Variants in STRBP observed in about 807,000 individuals in gnomAD.
STRBP encodes the protein spermatid perinuclear RNA-binding protein.
A neutral mutation model predicts 80.1 loss-of-function variants in STRBP; 13 were observed. The ratio of observed to expected loss-of-function variants is 0.16; its 90% CI spans 0.11 to 0.26. The LOEUF (loss-of-function observed/expected upper bound fraction) is 0.26, where lower values mean the gene tolerates loss of function less well. STRBP is among the 10% of genes least tolerant of loss of function. The probability of loss-of-function intolerance (pLI) is 1.00; values close to 1 mark genes in which losing one functional copy is unlikely to be tolerated. For synonymous variants in STRBP, 284 were observed against 291.2 expected (o/e 0.98, Z 0.25); for missense variants, 485 against 815.2 (o/e 0.59, Z 4.93).
chr9:123,119,463 C>T (rs550302786), downstream of STRBP, among the ~76,000 whole-genome samples: 1 of 148,238 alleles, frequency 6.7e-6, no homozygotes, highest in Admixed American at 7.0e-5. Context: ...CTGTAACAGA[C>T]ACATGAGCAA....
chr9:123,126,221 C>T lies in STRBP; in HGVS notation c.1943-548G>A, dbSNP rs1209036688. Reference sequence around the variant, plus strand: ...GTGGCCTCACAGACTTCTGCATAGTCGAGCATGATTTGAAATCTGCTCCTC... The same window carrying T: ...GTGGCCTCACAGACTTCTGCATAGTTGAGCATGATTTGAAATCTGCTCCTC... On this transcript the variant is annotated intron_variant, in intron 18 of 18. Transcript: ENST00000348403. This position sits in a 1 kb window ranked among gnomAD's most constrained non-coding sequence, Gnocchi z 4.4. 6.6e-6 allele frequency among the ~76,000 whole-genome samples: 1 copy of T among 152,172 alleles called. No individual in the cohort carries two copies. Among genetic ancestry groups the T allele is most frequent in the Non-Finnish European group, 1.5e-5 (1 of 68,024 alleles).
At chr9:123,137,713 T>G (rs1309889317) in intron 14 of STRBP, among the ~76,000 whole-genome samples, 1 of 152,174 alleles carries the variant, frequency 6.6e-6, no homozygotes, top group Non-Finnish European at 1.5e-5. Flanking sequence ...CAGCCCAAAA[T>G]ATTAAGTATT....
At chr9:123,187,456 C>A (rs1398644040) in intron 2 of STRBP, among the ~76,000 whole-genome samples, 1 of 151,968 alleles carries the variant, frequency 6.6e-6, no homozygotes, top group African/African-American at 2.4e-5. Flanking sequence ...ATAGTATACA[C>A]CCAATAAATG....
At chr9:123,221,960 T>C (rs1220011199) in intron 2 of STRBP, among the ~76,000 whole-genome samples, 1 of 152,230 alleles carries the variant, frequency 6.6e-6, no homozygotes, top group Admixed American at 6.5e-5. Context: ...TTTCACCTAA[T>C]AGTTATGGCA....
At chr9:123,235,005 G>T (rs201741666) in intron 2 of STRBP, among the ~76,000 whole-genome samples, 14 of 146,960 alleles carry the variant, frequency 9.5e-5, no homozygotes, top group South Asian at 4.4e-4. Context: ...TTGGGGGGGG[G>T]GGGTACTGGG....
chr9:123,125,072 C>T lies in STRBP; in HGVS notation c.*525G>A, dbSNP rs929678981. On this transcript the variant is annotated 3_prime_UTR_variant, in exon 19 of 19. Transcript: ENST00000348403. ...CATATTTTATTGGCTTTATTACACA[C>T]TTCAATATTTACAAAGTTAAAGTTA... 4 of 985,156 alleles carry T rather than the reference C, an allele frequency of 4.1e-6. No individual in the cohort carries two copies. The highest frequency in any genetic ancestry group is 3.6e-6 in the Non-Finnish European group (3 of 829,442). The allele number at this position is 985,156 out of a possible 1,614,324, so 61.0% of individuals were successfully genotyped here. A position where few individuals can be genotyped will look rare whatever the true frequency, so the allele number is the denominator to read the frequency against.
intron 1 of STRBP, among the ~76,000 whole-genome samples, chr9:123,256,114 C>T (rs1232722878): frequency 7.4e-6 from 1 of 134,634 alleles, no homozygotes; most frequent in Non-Finnish European, 1.5e-5. Context: ...GCTTTAACCT[C>T]TTGGGTTCAA....
At chr9:123,139,187 G>T (rs1016528760) in intron 14 of STRBP, among the ~76,000 whole-genome samples, 1 of 152,116 alleles carries the variant, frequency 6.6e-6, no homozygotes, top group Non-Finnish European at 1.5e-5. Flanking sequence ...ATCAGTTACT[G>T]CTGATACTCT....
chr9:123,160,505 A>G (rs752782736), intron 7 of STRBP, 43 bp from the exon 8 acceptor site: 2 of 1,477,948 alleles, frequency 1.4e-6, no homozygotes, highest in Admixed American at 3.8e-5. Flanking sequence ...ATTGAGATCT[A>G]TTCTTCATTT....
At chr9:123,128,147 T>G in intron 18 of STRBP, 67 bp downstream of exon 18, 5 of 1,580,736 alleles carry the variant, frequency 3.2e-6, no homozygotes, top group Non-Finnish European at 4.3e-6. Context: ...AAACCCTAGA[T>G]AGAAACTGTG....
At chr9:123,221,735 G>T (rs1343380758) in intron 2 of STRBP, among the ~76,000 whole-genome samples, 1 of 152,064 alleles carries the variant, frequency 6.6e-6, no homozygotes, top group African/African-American at 2.4e-5. Context: ...TTCATTTCCG[G>T]CAATGATTTA....
chr9:123,224,248 T>C (rs922295995), intron 2 of STRBP, among the ~76,000 whole-genome samples: 2 of 152,208 alleles, frequency 1.3e-5, no homozygotes, highest in African/African-American at 4.8e-5. Context: ...TCTCCAATCA[T>C]GGGCCCAAAT....
intron 2 of STRBP, among the ~76,000 whole-genome samples, chr9:123,203,143 CAGG>C (rs1408781884): frequency 6.6e-6 from 1 of 151,978 alleles, no homozygotes; most frequent in African/African-American, 2.4e-5. Flanking sequence ...TGCTTGAGGC[CAGG>C]AGTTCAAGAC....
intron 18 of STRBP, among the ~76,000 whole-genome samples, chr9:123,127,120 T>A (rs1230036972): frequency 6.6e-6 from 1 of 152,226 alleles, no homozygotes; most frequent in East Asian, 1.9e-4. Context: ...TAGCTTCACA[T>A]CTTTCTAGGA....
At chr9:123,132,389 AT>A (rs148511944) in intron 17 of STRBP, among the ~76,000 whole-genome samples, 3 of 151,960 alleles carry the variant, frequency 2.0e-5, no homozygotes, top group South Asian at 2.1e-4. Flanking sequence ...CTCTGGATAA[AT>A]TTTTTTTCCT....
At chr9:123,234,061 C>G (rs569720207) in intron 2 of STRBP, among the ~76,000 whole-genome samples, 2 of 151,796 alleles carry the variant, frequency 1.3e-5, no homozygotes, top group Non-Finnish European at 2.9e-5. Context: ...ATTAGCCAGG[C>G]GTGGTGGCGG....
chr9:123,147,868 C>T lies in STRBP; in HGVS notation c.1048G>A (p.Ala350Thr). Residue 350 changes from alanine to threonine, a missense_variant and splice_region_variant, in exon 12 of 19, where the codon GCT becomes ACT. Physicochemically the swap from Ala to Thr is moderately conservative, Grantham distance 58 (BLOSUM62 0). Coordinates refer to ENST00000348403, the MANE Select transcript of STRBP (RefSeq NM_018387.5). ...YSWSVTDKEG[A>T]GSSALKRPFE... The stretch of plus-strand genomic sequence containing the variant: ...GGCCTCTTTAGAGCTGAAGACCCAG[C>T]ACCTAAAAAAAATTATGAGGGATTC... 1 of 1,610,296 alleles carries T rather than the reference C, an allele frequency of 6.2e-7. No homozygotes were observed. Among genetic ancestry groups the T allele is most frequent in the Admixed American group, 1.7e-5 (1 of 59,662 alleles).
chr9:123,210,458 C>A (rs2039668809), intron 2 of STRBP, among the ~76,000 whole-genome samples: 1 of 148,120 alleles, frequency 6.8e-6, no homozygotes, highest in Admixed American at 6.7e-5. Context: ...AAGAAAAAAA[C>A]AGAAAAAAAA....
In STRBP at chr9:123,123,266, T is replaced by A. The variant is rs1436438997; in HGVS notation, c.*2331A>T. 2.0e-6 allele frequency: 2 copies of A among 985,228 alleles called. No homozygotes were observed. The highest frequency in any genetic ancestry group is 2.4e-6 in the Non-Finnish European group (2 of 829,926). 61.0% of individuals were successfully genotyped at this position (985,228 alleles called of 1,614,324 possible). A position where few individuals can be genotyped will look rare whatever the true frequency, so the allele number is the denominator to read the frequency against. ...AAAACTTCATGTTAATCTCAGGCAA[T>A]TTGGTGAAGCCAAGAGCTTCATTTA... On this transcript the variant is annotated 3_prime_UTR_variant, in exon 19 of 19. Coordinates refer to ENST00000348403, the MANE Select transcript of STRBP (RefSeq NM_018387.5).
Sources: allele counts gnomAD v4.1 joint callset (sites outside exome capture counted in the v4.1 genomes callset), GRCh38; gene constraint gnomAD v4.1.1; non-coding constraint Gnocchi (gnomAD v3.1); transcripts MANE v1.5; gene names NCBI Gene and HGNC (gene_info 2026-07-23, HGNC 2026-07-21).